The following HPSE2 variants were observed in gnomAD, a reference collection of about 807,000 sequenced individuals.
HPSE2 encodes the protein heparanase 2 (inactive), also known as inactive heparanase-2.
In HPSE2, 38 loss-of-function variants were observed where a neutral mutation model predicts 60.5. The observed-to-expected ratio is 0.63, with a 90% CI of 0.48 to 0.82. The LOEUF (loss-of-function observed/expected upper bound fraction) is 0.82, where lower values mean the gene tolerates loss of function less well. HPSE2 is among the 40% of genes least tolerant of loss of function. The pLI, the probability that HPSE2 is intolerant of heterozygous loss-of-function variation, is 0.00. For synonymous variants in HPSE2, 295 were observed against 293.2 expected, an observed-to-expected ratio of 1.01 and a Z score of -0.06; for missense variants, 713 against 740.4, an observed-to-expected ratio of 0.96 and a Z score of 0.43.
At chr10:98,624,284 G>C (rs1238918652) in intron 7 of HPSE2, among the ~76,000 whole-genome samples, 1 of 152,196 alleles carries the variant, frequency 6.6e-6, no homozygotes, top group Non-Finnish European at 1.5e-5. Context: ...CAGTACTTTA[G>C]ATAGCGGTCA....
intron 3 of HPSE2, among the ~76,000 whole-genome samples, chr10:98,846,348 C>T (rs1029113297): frequency 1.3e-5 from 2 of 152,122 alleles, no homozygotes; most frequent in African/African-American, 4.8e-5. Context: ...ATCCAACATA[C>T]AATTACTTGA....
chr10:98,885,985 C>A (rs575703495), intron 3 of HPSE2, among the ~76,000 whole-genome samples: 16 of 152,014 alleles, frequency 1.1e-4, no homozygotes, highest in African/African-American at 3.6e-4. Context: ...AAACAAACAC[C>A]CTCTTAGTAT....
chr10:98,648,400 G>A (rs562020220), intron 6 of HPSE2, among the ~76,000 whole-genome samples: 3 of 152,212 alleles, frequency 2.0e-5, no homozygotes, highest in Non-Finnish European at 2.9e-5. Flanking sequence ...GATGGCACCA[G>A]AATTGTGGGC....
chr10:99,288,797 G>A, the HPSE2 span, among the ~76,000 whole-genome samples: 1 of 147,276 alleles, frequency 6.8e-6, no homozygotes, highest in Non-Finnish European at 1.5e-5. Context: ...TTATATGTTT[G>A]AGTGAATTGA....
intron 6 of HPSE2, among the ~76,000 whole-genome samples, chr10:98,656,611 G>A (rs1947071318): frequency 6.6e-6 from 1 of 152,128 alleles, no homozygotes; most frequent in Admixed American, 6.5e-5. Context: ...TCAAGGCTTA[G>A]TATCAGGAAA....
intron 3 of HPSE2, among the ~76,000 whole-genome samples, chr10:98,891,629 A>G (rs1435679320): frequency 2.6e-5 from 4 of 151,092 alleles, no homozygotes; most frequent in Non-Finnish European, 5.9e-5. Context: ...TTTATTTTCT[A>G]TTTTTTCACA....
chr10:99,093,437 T>C (rs546535279), intron 3 of HPSE2, among the ~76,000 whole-genome samples: 39 of 152,286 alleles, frequency 2.6e-4, no homozygotes, highest in African/African-American at 7.9e-4. Flanking sequence ...AAAGAGGCAT[T>C]GTCTGAGACT....
intron 3 of HPSE2, among the ~76,000 whole-genome samples, chr10:98,763,533 CTCT>C: frequency 7.3e-6 from 1 of 136,810 alleles, no homozygotes; most frequent in South Asian, 2.4e-4. Flanking sequence ...GTGTTCTCTT[CTCT>C]GGAATCTTCT....
At chr10:99,041,640 T>C (rs994796399) in intron 3 of HPSE2, among the ~76,000 whole-genome samples, 1 of 152,132 alleles carries the variant, frequency 6.6e-6, no homozygotes, top group Non-Finnish European at 1.5e-5. Context: ...TCATGTGCCC[T>C]TAGGGTAGGG....
At chr10:99,081,896 A>C (rs1189011075) in intron 3 of HPSE2, among the ~76,000 whole-genome samples, 1 of 152,156 alleles carries the variant, frequency 6.6e-6, no homozygotes, top group African/African-American at 2.4e-5. Context: ...TGGGCCTCCC[A>C]AAGTGCTGGA....
the HPSE2 span, among the ~76,000 whole-genome samples, chr10:99,300,993 G>A: frequency 2.0e-5 from 3 of 152,136 alleles, no homozygotes; most frequent in African/African-American, 2.4e-5. Flanking sequence ...ATTTGTTCAG[G>A]ATCTAAGGGC....
chr10:99,302,006 C>T, the HPSE2 span, among the ~76,000 whole-genome samples: 1 of 151,982 alleles, frequency 6.6e-6, no homozygotes, highest in East Asian at 1.9e-4. Flanking sequence ...AATAGATCTA[C>T]TCTAGCAGGC....
intron 3 of HPSE2, among the ~76,000 whole-genome samples, chr10:98,997,108 CTTTCT>C (rs2135360210): frequency 2.3e-5 from 2 of 88,338 alleles, no homozygotes; most frequent in African/African-American, 6.4e-5. Context: ...AATACAGACC[CTTTCT>C]TTTTTTTTTT....
At chr10:98,723,072 G>C (rs1948970191) in intron 4 of HPSE2, among the ~76,000 whole-genome samples, 1 of 152,110 alleles carries the variant, frequency 6.6e-6, no homozygotes, top group Non-Finnish European at 1.5e-5. Flanking sequence ...TCTAGTCTTT[G>C]CCCATTCAGT....
chr10:98,781,306 T>TTTTTTTTTAA (rs66481971), intron 3 of HPSE2, among the ~76,000 whole-genome samples: 2 of 120,106 alleles, frequency 1.7e-5, no homozygotes, highest in Non-Finnish European at 3.4e-5. Context: ...TTTTTTTTTT[T>TTTTTTTTTAA]ATTTTTAAAT....
At chr10:98,572,233 C>T (rs1050213191) in intron 9 of HPSE2, among the ~76,000 whole-genome samples, 2 of 152,218 alleles carry the variant, frequency 1.3e-5, no homozygotes, top group East Asian at 3.9e-4. Flanking sequence ...AGCCACTGTG[C>T]CTGGCCTTTT....
At chr10:98,689,371 T>C (rs1360253008) in intron 6 of HPSE2, among the ~76,000 whole-genome samples, 1 of 152,192 alleles carries the variant, frequency 6.6e-6, no homozygotes, top group Non-Finnish European at 1.5e-5. Context: ...TCCAATCTCT[T>C]GACAAGCCCA....
chr10:99,198,678 G>C lies in HPSE2; in HGVS notation c.448+33670C>G, dbSNP rs577085626. Among the ~76,000 whole-genome samples, 39 of 152,178 alleles carry C rather than the reference G, an allele frequency of 2.6e-4. 1 individual carries two copies. The South Asian group carries it at 3.3e-3, about 13-fold the overall frequency. On this transcript the variant is annotated intron_variant, in intron 2 of 11. Coordinates refer to ENST00000370552, the MANE Select transcript of HPSE2 (RefSeq NM_021828.5). ...GTTTTATAATATGAAGGCTATGATG[G>C]AAATTTTTTATATTATTGTGGTAAT...
intron 9 of HPSE2, among the ~76,000 whole-genome samples, chr10:98,558,508 A>G (rs764222305): frequency 8.5e-5 from 13 of 152,230 alleles, no homozygotes; most frequent in Non-Finnish European, 1.6e-4. Context: ...AAATCCAGAC[A>G]CAAAAAATAC....
Sources: allele counts gnomAD v4.1 joint callset (sites outside exome capture counted in the v4.1 genomes callset), GRCh38; gene constraint gnomAD v4.1.1; transcripts MANE v1.5; gene names NCBI Gene and HGNC (gene_info 2026-07-23, HGNC 2026-07-21).